NTNG1: variants seen among roughly 807,000 people sequenced by gnomAD.
NTNG1 encodes netrin-G1.
Under a neutral mutation model 54.0 loss-of-function variants are expected in NTNG1, and 16 were observed. The ratio of observed to expected loss-of-function variants is 0.30; its 90% CI spans 0.20 to 0.45. NTNG1 has a LOEUF of 0.45. Ranked by LOEUF, NTNG1 falls within the 20% of genes least tolerant of loss-of-function variation. The probability of loss-of-function intolerance (pLI) is 1.00; values close to 1 mark genes in which losing one functional copy is unlikely to be tolerated. For missense variants in NTNG1, 530 were observed against 678.7 expected (o/e 0.78, Z 2.43); for synonymous variants, 255 against 263.1 (o/e 0.97, Z 0.30).
chr1:107,169,247 A>G (rs1656040355), intron 2 of NTNG1, among the ~76,000 whole-genome samples: 1 of 152,162 alleles, frequency 6.6e-6, no homozygotes, highest in African/African-American at 2.4e-5. Context: ...TTGGAGAATT[A>G]CTAGTTCTGA....
At chr1:107,155,737 T>C (rs1025683889) in intron 2 of NTNG1, among the ~76,000 whole-genome samples, 1 of 152,198 alleles carries the variant, frequency 6.6e-6, no homozygotes, top group Non-Finnish European at 1.5e-5. Flanking sequence ...AGGCAGCAAA[T>C]AAATGATAAC....
At chr1:107,159,407 A>T (rs1249666557) in intron 2 of NTNG1, among the ~76,000 whole-genome samples, 2 of 152,148 alleles carry the variant, frequency 1.3e-5, no homozygotes, top group East Asian at 1.9e-4. Flanking sequence ...ACTTTGTGCT[A>T]TATTTTTACA....
intron 2 of NTNG1, among the ~76,000 whole-genome samples, chr1:107,198,449 C>T (rs1658498629): frequency 6.6e-6 from 1 of 151,948 alleles, no homozygotes; most frequent in Non-Finnish European, 1.5e-5. Context: ...TATCTCCAAA[C>T]TCTAGTCTGC....
chr1:107,398,844 G>C (rs901133661), intron 4 of NTNG1, among the ~76,000 whole-genome samples: 1 of 151,924 alleles, frequency 6.6e-6, no homozygotes, highest in Non-Finnish European at 1.5e-5. Flanking sequence ...CCAAGTAATA[G>C]CAATTCTGTC....
intron 3 of NTNG1, among the ~76,000 whole-genome samples, chr1:107,380,243 A>G (rs1671560201): frequency 6.6e-6 from 1 of 152,172 alleles, no homozygotes; most frequent in South Asian, 2.1e-4. Context: ...CATAGCAGAA[A>G]TTTTTGGCAA....
chr1:107,303,318 T>A (rs924002942), intron 2 of NTNG1, among the ~76,000 whole-genome samples: 10 of 152,100 alleles, frequency 6.6e-5, no homozygotes, highest in African/African-American at 2.2e-4. Flanking sequence ...TTAGTGAGAG[T>A]TAACCACAGC....
In NTNG1 at chr1:107,148,474, G is replaced by C. The variant is rs17018473; in HGVS notation, c.-120G>C. Reference sequence around the variant, plus strand: ...CCATCTTCATTTAAAAAAAAATACAGAGACCTACCTACCCGTACGCATACA... The same window carrying C: ...CCATCTTCATTTAAAAAAAAATACACAGACCTACCTACCCGTACGCATACA... On this transcript the variant is annotated 5_prime_UTR_variant, in exon 2 of 8. Transcript: ENST00000370068. 0.012 allele frequency: 11,367 copies of C among 915,810 alleles called. 838 individuals carry two copies. The African/African-American group carries it at 0.17, about 14-fold the overall frequency. 56.7% of individuals were successfully genotyped at this position (915,810 alleles called of 1,614,324 possible). A position where few individuals can be genotyped will look rare whatever the true frequency, so the allele number is the denominator to read the frequency against.
chr1:107,147,499 C>CT (rs1287770830), intron 1 of NTNG1, among the ~76,000 whole-genome samples: 2 of 151,596 alleles, frequency 1.3e-5, no homozygotes, highest in East Asian at 3.9e-4. Flanking sequence ...ATCTTTATTA[C>CT]TAAATGCAAC....
chr1:107,191,957 C>T (rs1018428955), intron 2 of NTNG1, among the ~76,000 whole-genome samples: 2 of 152,070 alleles, frequency 1.3e-5, no homozygotes, highest in African/African-American at 2.4e-5. Context: ...TTCTCCAATT[C>T]TGTGAAGACA....
chr1:107,272,593 A>G (rs377256882), intron 2 of NTNG1, among the ~76,000 whole-genome samples: 1 of 152,160 alleles, frequency 6.6e-6, no homozygotes, highest in Non-Finnish European at 1.5e-5. Context: ...CAGCCTGTCT[A>G]TACAGAATTC....
At chr1:107,147,131 A>G (rs1654180844) in intron 1 of NTNG1, among the ~76,000 whole-genome samples, 1 of 152,148 alleles carries the variant, frequency 6.6e-6, no homozygotes, top group African/African-American at 2.4e-5. Flanking sequence ...TAAACTCACC[A>G]ATGACTTGTA....
chr1:107,393,833 A>G (rs1023447486), intron 3 of NTNG1, among the ~76,000 whole-genome samples: 2 of 152,172 alleles, frequency 1.3e-5, no homozygotes, highest in African/African-American at 4.8e-5. Context: ...AGAGAAGCCA[A>G]CATGGTTGTT....
At chr1:107,331,892 C>G (rs187052885) in intron 3 of NTNG1, among the ~76,000 whole-genome samples, 1 of 150,946 alleles carries the variant, frequency 6.6e-6, no homozygotes, top group Non-Finnish European at 1.5e-5. Context: ...GGATATTAAA[C>G]CATTCCACTA....
intron 2 of NTNG1, among the ~76,000 whole-genome samples, chr1:107,318,727 G>A (rs1163836464): frequency 1.3e-5 from 2 of 151,992 alleles, no homozygotes; most frequent in African/African-American, 4.8e-5. Flanking sequence ...TGCATCCAAT[G>A]GGGGGTCTTG....
At chr1:107,338,512 A>G (rs1225447916) in intron 3 of NTNG1, among the ~76,000 whole-genome samples, 2 of 151,930 alleles carry the variant, frequency 1.3e-5, no homozygotes, top group African/African-American at 4.8e-5. Flanking sequence ...TTAAGTAGTA[A>G]CTGGATCTAC....
chr1:107,458,460 G>A (rs1677081823), intron 7 of NTNG1, among the ~76,000 whole-genome samples: 2 of 152,130 alleles, frequency 1.3e-5, no homozygotes, highest in African/African-American at 4.8e-5. Context: ...TGAAAATAAA[G>A]TAGGTAATTA....
chr1:107,185,627 G>A (rs1657397586), intron 2 of NTNG1, among the ~76,000 whole-genome samples: 1 of 152,172 alleles, frequency 6.6e-6, no homozygotes, highest in Non-Finnish European at 1.5e-5. Flanking sequence ...CACTATTGAA[G>A]TCAGAACAAG....
At chr1:107,318,917 T>C (rs1667486733) in intron 2 of NTNG1, among the ~76,000 whole-genome samples, 1 of 152,190 alleles carries the variant, frequency 6.6e-6, no homozygotes, top group Non-Finnish European at 1.5e-5. Context: ...TGGAAACATA[T>C]GGCCTTGTGG....
intron 2 of NTNG1, among the ~76,000 whole-genome samples, chr1:107,203,540 GTTATTC>G (rs1350632869): frequency 2.7e-5 from 4 of 149,274 alleles, no homozygotes; most frequent in Admixed American, 1.3e-4. Flanking sequence ...TATATGTATA[GTTATTC>G]TTATAGAGTT....
Sources: gnomAD v4.1 joint callset for allele counts (sites outside exome capture counted in the v4.1 genomes callset) on GRCh38, gnomAD v4.1.1 for gene constraint, MANE v1.5 for transcripts, NCBI Gene and HGNC (gene_info 2026-07-23, HGNC 2026-07-21) for gene names.